Variants in B3GAT1 observed in about 807,000 individuals in gnomAD.
The protein encoded by B3GAT1 is galactosylgalactosylxylosylprotein 3-beta-glucuronosyltransferase 1.
B3GAT1 carries 11 observed loss-of-function variants against 28.4 expected under a neutral mutation model. The ratio of observed to expected loss-of-function variants is 0.39; its 90% CI spans 0.24 to 0.64. The LOEUF is 0.64. Among genes scored for constraint, B3GAT1 ranks in the 30% least tolerant of loss-of-function variants. The pLI is 0.50. For synonymous variants in B3GAT1, 255 were observed against 223.1 expected, an observed-to-expected ratio of 1.14 and a Z score of -1.27; for missense variants, 375 against 491.0, an observed-to-expected ratio of 0.76 and a Z score of 2.23.
intron 4 of B3GAT1, 141 bp downstream of exon 4, chr11:134,382,569 T>C (rs1316026343): frequency 2.9e-6 from 3 of 1,029,362 alleles, no homozygotes; most frequent in Non-Finnish European, 4.2e-6. Flanking sequence ...GCCTTACAGG[T>C]GATACACTGC....
rs750160723 is a variant in B3GAT1, at chr11:134,387,530, G to A, written c.112+18C>T. 6 of 1,612,966 alleles carry A rather than the reference G, an allele frequency of 3.7e-6. No individual in the cohort carries two copies. Among genetic ancestry groups the A allele is most frequent in the Non-Finnish European group, 4.2e-6 (5 of 1,179,638 alleles). On this transcript the variant is annotated intron_variant, in intron 2 of 5. Coordinates refer to ENST00000312527, the MANE Select transcript of B3GAT1 (RefSeq NM_054025.3). ...ACCAAGGCCCAGCTGGGCAGGCAGGGCATGCGTGCGTGCTCACCCTTATGT... is the reference window on the plus strand; with the variant it reads ...ACCAAGGCCCAGCTGGGCAGGCAGGACATGCGTGCGTGCTCACCCTTATGT...
Position 134,403,979 on chromosome 11 carries a change from TTC to T in B3GAT1, c.-282+7826_-282+7827del, listed in dbSNP as rs1329754949. Among the ~76,000 whole-genome samples, 188 of 96,962 alleles carry T rather than the reference TTC, an allele frequency of 1.9e-3. 7 individuals are homozygous for T. Among genetic ancestry groups the T allele is most frequent in the African/African-American group, 6.5e-3 (156 of 24,052 alleles). 63.6% of individuals were successfully genotyped at this position (96,962 alleles called of 152,430 possible). ...GTCATTTAACGGGTACAGAGTTTCT[TTC>T]TTTATATATATATATATATATATAT... On this transcript the variant is annotated intron_variant, in intron 1 of 5. Transcript: ENST00000312527.
At chr11:134,400,258 C>G (rs1195672950) in intron 1 of B3GAT1, among the ~76,000 whole-genome samples, 1 of 152,180 alleles carries the variant, frequency 6.6e-6, no homozygotes, top group Non-Finnish European at 1.5e-5. Context: ...CATTTGCACC[C>G]TAGCCCCGAG....
intron 1 of B3GAT1, among the ~76,000 whole-genome samples, chr11:134,399,375 G>A (rs1215899314): frequency 6.6e-6 from 1 of 152,222 alleles, no homozygotes. Context: ...ATGCACCCTA[G>A]GAGAGGCCTG....
chr11:134,405,864 G>T (rs1048406747), intron 1 of B3GAT1, among the ~76,000 whole-genome samples: 2 of 152,224 alleles, frequency 1.3e-5, no homozygotes, highest in African/African-American at 4.8e-5. Context: ...CACCAGCCTG[G>T]CTACCAATGG....
chr11:134,403,280 C>G (rs140611934), intron 1 of B3GAT1, among the ~76,000 whole-genome samples: 6 of 152,226 alleles, frequency 3.9e-5, no homozygotes, highest in African/African-American at 1.4e-4. Context: ...CTCGGGGTCC[C>G]GGGAAGGCAG....
At position 134,387,826 on chromosome 11, in the gene B3GAT1, C is replaced by T; in HGVS notation, c.-167G>A. Reference sequence around the variant, plus strand: ...GCTGAATGTTGGCTAGCAGGTCTTACCAGCACTCACAACCCACCCATTGCG... The same window carrying T: ...GCTGAATGTTGGCTAGCAGGTCTTATCAGCACTCACAACCCACCCATTGCG... On this transcript the variant is annotated 5_prime_UTR_variant, in exon 2 of 6. Transcript: ENST00000312527. 6.5e-7 allele frequency: 1 copy of T among 1,533,238 alleles called. No homozygotes were observed. 95.0% of individuals were successfully genotyped at this position (1,533,238 alleles called of 1,614,324 possible). A position where few individuals can be genotyped will look rare whatever the true frequency, so the allele number is the denominator to read the frequency against.
Position 134,383,012 on chromosome 11 carries a change from A to G in B3GAT1, c.622-6T>C, listed in dbSNP as rs778848224. ...ACCCTCCTGGTGCTGCGCATCTACA[A>G]GGGGGGGGTCCAGAGTCAGGGCGCC... On this transcript the variant is annotated splice_polypyrimidine_tract_variant and splice_region_variant and intron_variant, in intron 3 of 5. Coordinates refer to ENST00000312527, the MANE Select transcript of B3GAT1 (RefSeq NM_054025.3). 5 of 1,542,324 alleles carry G rather than the reference A, an allele frequency of 3.2e-6. 1 individual carries two copies. The highest frequency in any genetic ancestry group is 1.2e-5 in the South Asian group (1 of 84,152).
rs1944874277 is a variant in B3GAT1, at chr11:134,412,134, G to A, written c.-609C>T. Among the ~76,000 whole-genome samples the A allele has an allele frequency of 6.9e-6, 1 of 144,000 alleles. No homozygotes were observed. Among genetic ancestry groups the A allele is most frequent in the African/African-American group, 2.5e-5 (1 of 40,114 alleles). The allele number at this position is 144,000 out of a possible 152,430, so 94.5% of individuals were successfully genotyped here. ...GGAGCGGGGAGGGGGAGCGGGGAGC[G>A]GGCGCGGGGGCGAGAGGGGCGAGGG... On this transcript the variant is annotated 5_prime_UTR_variant, in exon 1 of 6. Coordinates refer to ENST00000312527, the MANE Select transcript of B3GAT1 (RefSeq NM_054025.3).
At position 134,383,955 on chromosome 11, in the gene B3GAT1, G is replaced by T; in HGVS notation, c.346C>A (p.His116Asn). Residue 116 changes from histidine to asparagine, a missense_variant, in exon 3 of 6, where the codon CAC becomes AAC. Transcript: ENST00000312527. ...ANTLLHVPNL[H>N]WLVVEDAPRR... Reference sequence around the variant, plus strand: ...GGCGCATCCTCCACCACCAGCCAGTGGAGGTTGGGCACGTGCAGCAGCGTG... The same window carrying T: ...GGCGCATCCTCCACCACCAGCCAGTTGAGGTTGGGCACGTGCAGCAGCGTG... 1 of 1,599,784 alleles carries T rather than the reference G, an allele frequency of 6.3e-7. No homozygotes were observed.
At chr11:134,400,032 T>C (rs190076019) in intron 1 of B3GAT1, among the ~76,000 whole-genome samples, 2 of 152,262 alleles carry the variant, frequency 1.3e-5, no homozygotes, top group Admixed American at 1.3e-4. Flanking sequence ...GCTGTCATGC[T>C]GCCCTAGGCT....
intron 2 of B3GAT1, chr11:134,385,412 A>C (rs1219861921): frequency 1.3e-5 from 2 of 152,368 alleles, no homozygotes; most frequent in Non-Finnish European, 2.9e-5. Flanking sequence ...GTGGCTCTTC[A>C]GGAGTTCTCA....
Position 134,387,756 on chromosome 11 carries a change from G to T in B3GAT1, c.-97C>A, listed in dbSNP as rs1232151111. 2.6e-6 allele frequency: 4 copies of T among 1,568,192 alleles called. No homozygotes were observed. The African/African-American group carries it at 5.4e-5, about 21-fold the overall frequency. On this transcript the variant is annotated 5_prime_UTR_variant, in exon 2 of 6. Coordinates refer to ENST00000312527, the MANE Select transcript of B3GAT1 (RefSeq NM_054025.3). ...GGCGGCGGCAGCACAGGGGAGAAAA[G>T]AACAGGCATGGGCCGGGCCGGCCAG...
Position 134,387,730 on chromosome 11 carries a change from G to A in B3GAT1, c.-71C>T, listed in dbSNP as rs558866222. The A allele has an allele frequency of 2.6e-5, 41 of 1,597,622 alleles. No homozygotes were observed. Among genetic ancestry groups the A allele is most frequent in the African/African-American group, 1.2e-4 (9 of 74,736 alleles). ...GTAAGTTCAGGAGAGGGGCGGCCAC[G>A]GGCGGCGGCAGCACAGGGGAGAAAA... is the stretch of plus-strand genomic sequence containing the variant. On this transcript the variant is annotated 5_prime_UTR_variant, in exon 2 of 6. Coordinates refer to ENST00000312527, the MANE Select transcript of B3GAT1 (RefSeq NM_054025.3).
Position 134,404,886 on chromosome 11 carries a change from G to C in B3GAT1, c.-282+6921C>G, listed in dbSNP as rs142682058. ...TCTCTGACCGTGAGGAAAGCAGCTCGCCCGGAGGCTGTACTTCAGCCCAGG... is the reference window on the plus strand; with the variant it reads ...TCTCTGACCGTGAGGAAAGCAGCTCCCCCGGAGGCTGTACTTCAGCCCAGG... On this transcript the variant is annotated intron_variant, in intron 1 of 5. Coordinates refer to ENST00000312527, the MANE Select transcript of B3GAT1 (RefSeq NM_054025.3). 4.3e-3 allele frequency among the ~76,000 whole-genome samples: 655 copies of C among 152,334 alleles called. 3 individuals are homozygous for C. The highest frequency in any genetic ancestry group is 6.5e-3 in the Non-Finnish European group (440 of 68,028).
intron 5 of B3GAT1, 115 bp downstream of exon 5, chr11:134,381,809 A>C (rs2136299918): frequency 1.2e-6 from 1 of 817,008 alleles, no homozygotes; most frequent in East Asian, 2.6e-5. Flanking sequence ...ACTCCTGCCC[A>C]CATCTGCCCT....
chr11:134,388,971 C>G (rs957103162), intron 1 of B3GAT1: 2 of 152,196 alleles, frequency 1.3e-5, no homozygotes, highest in Non-Finnish European at 2.9e-5. Context: ...GATACATACC[C>G]AGTAATGGGA....
chr11:134,379,899 G>C lies in B3GAT1; in HGVS notation c.*863C>G, dbSNP rs754702500. The C allele has an allele frequency of 1.3e-5, 2 of 153,052 alleles. No homozygotes were observed. Among genetic ancestry groups the C allele is most frequent in the African/African-American group, 2.4e-5 (1 of 41,478 alleles). 9.5% of individuals were successfully genotyped at this position (153,052 alleles called of 1,614,324 possible). ...TTTCCCTCCCCAGTCCAGTCCAGGC[G>C]AGGGGCCTAGCAGCCGAGGTGGGCG... On this transcript the variant is annotated 3_prime_UTR_variant, in exon 6 of 6. Coordinates refer to ENST00000312527, the MANE Select transcript of B3GAT1 (RefSeq NM_054025.3).
intron 1 of B3GAT1, among the ~76,000 whole-genome samples, chr11:134,401,310 G>C (rs1264203789): frequency 6.6e-6 from 1 of 152,208 alleles, no homozygotes; most frequent in South Asian, 2.1e-4. Context: ...TTCATAACAG[G>C]GAACTGATGG....
Sources: allele counts gnomAD v4.1 joint callset (sites outside exome capture counted in the v4.1 genomes callset), GRCh38; gene constraint gnomAD v4.1.1; transcripts MANE v1.5; gene names NCBI Gene and HGNC (gene_info 2026-07-23, HGNC 2026-07-21).